The following FAM227A variants were observed in gnomAD, a reference collection of about 807,000 sequenced individuals.
FAM227A encodes the protein family with sequence similarity 227 member A.
Under a neutral mutation model 74.7 loss-of-function variants are expected in FAM227A, and 80 were observed. The ratio of observed to expected loss-of-function variants is 1.07; its 90% CI spans 0.89 to 1.29. The LOEUF is 1.29. FAM227A is among the 50% of genes most tolerant of loss of function. FAM227A has a pLI of 0.00. For missense variants in FAM227A, 654 were observed against 683.4 expected (o/e 0.96, Z 0.48); for synonymous variants, 237 against 241.8 (o/e 0.98, Z 0.19).
chr22:38,582,021 G>A lies in FAM227A; in HGVS notation c.*4104C>T. The A allele has an allele frequency of 4.2e-6, 1 of 239,936 alleles. No individual in the cohort carries two copies. The highest frequency in any genetic ancestry group is 8.0e-6 in the Non-Finnish European group (1 of 124,362). 14.9% of individuals were successfully genotyped at this position (239,936 alleles called of 1,614,324 possible). A position where few individuals can be genotyped will look rare whatever the true frequency, so the allele number is the denominator to read the frequency against. ...GCCTTCCAAAGTGCTGGGATTACAG[G>A]TGTGAGCCACCATGCCTGGCCTGTT... On this transcript the variant is annotated 3_prime_UTR_variant, in exon 17 of 17. Coordinates refer to ENST00000535113, the MANE Select transcript of FAM227A (RefSeq NM_001013647.2).
chr22:38,578,242 C>T lies in FAM227A; in HGVS notation c.*7883G>A, dbSNP rs1309361484. ...CCACAAACACGTGACTAATGCGTTACGCTATGACATTACGAAGGCTAAGAG... is the reference window on the plus strand; with the variant it reads ...CCACAAACACGTGACTAATGCGTTATGCTATGACATTACGAAGGCTAAGAG... On this transcript the variant is annotated 3_prime_UTR_variant, in exon 17 of 17. Coordinates refer to ENST00000535113, the MANE Select transcript of FAM227A (RefSeq NM_001013647.2). 2 of 152,076 alleles carry T rather than the reference C, an allele frequency of 1.3e-5. No homozygotes were observed. Among genetic ancestry groups the T allele is most frequent in the Non-Finnish European group, 2.9e-5 (2 of 68,036 alleles). 9.4% of individuals were successfully genotyped at this position (152,076 alleles called of 1,614,324 possible).
chr22:38,582,453 A>G lies in FAM227A; in HGVS notation c.*3672T>C. 1 of 1,536,896 alleles carries G rather than the reference A, an allele frequency of 6.5e-7. No individual in the cohort carries two copies. ...TACAATTACTCATTTGCTTTATCCC[A>G]CATTACAGCAAATGCTTTTTAAATG... On this transcript the variant is annotated 3_prime_UTR_variant, in exon 17 of 17. Coordinates refer to ENST00000535113, the MANE Select transcript of FAM227A (RefSeq NM_001013647.2).
Position 38,578,525 on chromosome 22 carries a change from A to T in FAM227A, c.*7600T>A, listed in dbSNP as rs143197649. ...TTTATTTTACTAGCATTTATTCAACACTGCTCAATTCCACGTCTCTGCTGG... is the reference window on the plus strand; with the variant it reads ...TTTATTTTACTAGCATTTATTCAACTCTGCTCAATTCCACGTCTCTGCTGG... On this transcript the variant is annotated 3_prime_UTR_variant, in exon 17 of 17. Transcript: ENST00000535113. The T allele has an allele frequency of 6.6e-6, 1 of 152,280 alleles. No individual in the cohort carries two copies. The highest frequency in any genetic ancestry group is 2.4e-5 in the African/African-American group (1 of 41,558). 9.4% of individuals were successfully genotyped at this position (152,280 alleles called of 1,614,324 possible). A position where few individuals can be genotyped will look rare whatever the true frequency, so the allele number is the denominator to read the frequency against.
At chr22:38,633,035 A>T (rs995305049) in intron 6 of FAM227A, among the ~76,000 whole-genome samples, 6 of 152,166 alleles carry the variant, frequency 3.9e-5, no homozygotes, top group Non-Finnish European at 8.8e-5. Context: ...AAGGTGGGAA[A>T]GGCTTTTGTC....
rs2090763449 is a variant in FAM227A, at chr22:38,584,369, A to G, written c.*1756T>C. Reference sequence around the variant, plus strand: ...CATCTTGGGGGACACCAGGAAGGTTAACTGAGATAATGTCTAAACCAGACT... The same window carrying G: ...CATCTTGGGGGACACCAGGAAGGTTGACTGAGATAATGTCTAAACCAGACT... On this transcript the variant is annotated 3_prime_UTR_variant, in exon 17 of 17. Coordinates refer to ENST00000535113, the MANE Select transcript of FAM227A (RefSeq NM_001013647.2). 1 of 152,196 alleles carries G rather than the reference A, an allele frequency of 6.6e-6. No homozygotes were observed. Among genetic ancestry groups the G allele is most frequent in the Admixed American group, 6.5e-5 (1 of 15,274 alleles). The allele number at this position is 152,196 out of a possible 1,614,324, so 9.4% of individuals were successfully genotyped here. A position where few individuals can be genotyped will look rare whatever the true frequency, so the allele number is the denominator to read the frequency against.
chr22:38,611,752 T>C (rs895000534), intron 11 of FAM227A, among the ~76,000 whole-genome samples: 1 of 152,150 alleles, frequency 6.6e-6, no homozygotes, highest in African/African-American at 2.4e-5. Context: ...CTAGTTCCCA[T>C]ATTTTGGCTT....
In FAM227A at chr22:38,650,191, C is replaced by G. The variant is rs754238584; in HGVS notation, c.-23G>C. ...CATTGTCCAATTTCTTGTAAATGGA[C>G]AAACAAAAAGCTTCCACTTTTAAGA... On this transcript the variant is annotated 5_prime_UTR_variant, in exon 2 of 17. Coordinates refer to ENST00000535113, the MANE Select transcript of FAM227A (RefSeq NM_001013647.2). 6.5e-7 allele frequency: 1 copy of G among 1,549,304 alleles called. No homozygotes were observed. The highest frequency in any genetic ancestry group is 1.2e-5 in the South Asian group (1 of 83,590).
At position 38,582,339 on chromosome 22, in the gene FAM227A, C is replaced by T. The variant is rs2090718277; in HGVS notation, c.*3786G>A. On this transcript the variant is annotated 3_prime_UTR_variant, in exon 17 of 17. Transcript: ENST00000535113. Reference sequence around the variant, plus strand: ...CAGGACTATAGGATTTTAACTTCATCTCTTCTAGTTTAACATCTGAATTTA... The same window carrying T: ...CAGGACTATAGGATTTTAACTTCATTTCTTCTAGTTTAACATCTGAATTTA... The T allele has an allele frequency of 1.3e-6, 2 of 1,549,224 alleles. No individual in the cohort carries two copies. Among genetic ancestry groups the T allele is most frequent in the Admixed American group, 3.9e-5 (2 of 50,934 alleles).
At chr22:38,593,453 C>T (rs577374295) in intron 15 of FAM227A, among the ~76,000 whole-genome samples, 85 of 152,176 alleles carry the variant, frequency 5.6e-4, no homozygotes, top group Middle Eastern at 6.8e-3. Context: ...TGCAGTGAGC[C>T]GAGACTGCGC....
At position 38,582,970 on chromosome 22, in the gene FAM227A, G is replaced by A. The variant is rs1412882770; in HGVS notation, c.*3155C>T. The stretch of plus-strand genomic sequence containing the variant: ...TTGGCAGTTAACAAAGAGGAGGGAG[G>A]AGAAGGCATTTTCAGGTCCAGAAGC... On this transcript the variant is annotated 3_prime_UTR_variant, in exon 17 of 17. Transcript: ENST00000535113. 3 of 1,547,180 alleles carry A rather than the reference G, an allele frequency of 1.9e-6. No individual in the cohort carries two copies. The highest frequency in any genetic ancestry group is 2.6e-6 in the Non-Finnish European group (3 of 1,144,312).
intron 8 of FAM227A, among the ~76,000 whole-genome samples, chr22:38,627,141 A>C (rs1045108570): frequency 6.6e-6 from 1 of 151,478 alleles, no homozygotes; most frequent in Non-Finnish European, 1.5e-5. Context: ...GTAAGTATTC[A>C]CTTATATTTT....
At chr22:38,611,859 T>C (rs370849788) in intron 11 of FAM227A, among the ~76,000 whole-genome samples, 26 of 152,350 alleles carry the variant, frequency 1.7e-4, no homozygotes, top group African/African-American at 5.8e-4. Context: ...GCACTTTTCA[T>C]AGGCATCTTA....
At chr22:38,649,403 A>G (rs2092290403) in intron 2 of FAM227A, among the ~76,000 whole-genome samples, 1 of 151,602 alleles carries the variant, frequency 6.6e-6, no homozygotes, top group East Asian at 1.9e-4. Flanking sequence ...CATCTCTACT[A>G]AAAATACAAA....
Position 38,628,150 on chromosome 22 carries a change from T to C in FAM227A, c.726+88A>G, listed in dbSNP as rs1001283675. 16 of 800,058 alleles carry C rather than the reference T, an allele frequency of 2.0e-5. No individual in the cohort carries two copies. The Middle Eastern group carries it at 9.0e-4, about 45-fold the overall frequency. The allele number at this position is 800,058 out of a possible 1,614,324, so 49.6% of individuals were successfully genotyped here. ...TGACAATTTACTAATTACTCCCTTA[T>C]GTAAAGAATGTTTAAGACATTCTCT... On this transcript the variant is annotated intron_variant, in intron 8 of 16. Transcript: ENST00000535113.
chr22:38,648,954 AGAGT>A lies in FAM227A; in HGVS notation c.142+1069_142+1072del, dbSNP rs1207068689. On this transcript the variant is annotated intron_variant, in intron 2 of 16. Coordinates refer to ENST00000535113, the MANE Select transcript of FAM227A (RefSeq NM_001013647.2). ...GCCACTGCACTCCAGCCTGAGCAAC[AGAGT>A]GAGACTCTGTCTCAAAAAAAAAAAA... Among the ~76,000 whole-genome samples the A allele has an allele frequency of 3.3e-5, 5 of 150,722 alleles. No individual in the cohort carries two copies. In the East Asian group the frequency reaches 9.8e-4, roughly 30 times the overall value.
intron 13 of FAM227A, 45 bp downstream of exon 13, chr22:38,605,209 C>T (rs777339726): frequency 6.4e-6 from 7 of 1,097,160 alleles, no homozygotes; most frequent in African/African-American, 1.6e-5. Context: ...CCTCTCACCC[C>T]CTTTGGAATC....
intron 3 of FAM227A, among the ~76,000 whole-genome samples, chr22:38,640,675 G>C (rs1280764472): frequency 6.6e-6 from 1 of 152,164 alleles, no homozygotes; most frequent in South Asian, 2.1e-4. Flanking sequence ...CAGCACTCGT[G>C]GAACAATTAA....
chr22:38,612,338 G>A (rs1199116055), intron 11 of FAM227A, among the ~76,000 whole-genome samples: 4 of 152,148 alleles, frequency 2.6e-5, no homozygotes, highest in Admixed American at 2.0e-4. Context: ...CTTCGCTTGT[G>A]CTTCTCTTCT....
Position 38,586,012 on chromosome 22 carries a change from A to G in FAM227A, c.*113T>C, listed in dbSNP as rs2090798411. ...ATCCTTCCCCTATGGAGAAATCATGATTCCTATTTCTGTCTTTGGCCACAA... is the reference window on the plus strand; with the variant it reads ...ATCCTTCCCCTATGGAGAAATCATGGTTCCTATTTCTGTCTTTGGCCACAA... On this transcript the variant is annotated 3_prime_UTR_variant, in exon 17 of 17. Coordinates refer to ENST00000535113, the MANE Select transcript of FAM227A (RefSeq NM_001013647.2). The G allele has an allele frequency of 1.3e-6, 2 of 1,540,368 alleles. No individual in the cohort carries two copies. Among genetic ancestry groups the G allele is most frequent in the Non-Finnish European group, 8.8e-7 (1 of 1,142,020 alleles).
Sources: gnomAD v4.1 joint callset for allele counts (sites outside exome capture counted in the v4.1 genomes callset) on GRCh38, gnomAD v4.1.1 for gene constraint, MANE v1.5 for transcripts, NCBI Gene and HGNC (gene_info 2026-07-23, HGNC 2026-07-21) for gene names.